PRKD1: variants seen among roughly 807,000 people sequenced by gnomAD.
The protein encoded by PRKD1 is protein kinase D1.
A neutral mutation model predicts 95.9 loss-of-function variants in PRKD1; 63 were observed. The ratio of observed to expected loss-of-function variants is 0.66; its 90% CI spans 0.54 to 0.81. PRKD1 has a LOEUF of 0.81. Ranked by LOEUF, PRKD1 falls within the 30% of genes least tolerant of loss-of-function variation. PRKD1 has a pLI of 0.00. For synonymous variants in PRKD1, 425 were observed against 423.1 expected (o/e 1.00, Z -0.05); for missense variants, 1,048 against 1,165.3 (o/e 0.90, Z 1.47).
chr14:29,902,302 C>A (rs535052648), intron 1 of PRKD1, among the ~76,000 whole-genome samples: 17 of 151,526 alleles, frequency 1.1e-4, no homozygotes, highest in African/African-American at 4.1e-4. Flanking sequence ...TTTTCATGGT[C>A]AAAATCTCTG....
intron 1 of PRKD1, among the ~76,000 whole-genome samples, chr14:29,880,970 T>C (rs1392975536): frequency 1.3e-5 from 2 of 152,206 alleles, no homozygotes; most frequent in Admixed American, 1.3e-4. Context: ...TACAGGCTCA[T>C]AGGTGAAAGG....
chr14:29,778,063 G>A (rs1888856092), intron 1 of PRKD1, among the ~76,000 whole-genome samples: 1 of 152,168 alleles, frequency 6.6e-6, no homozygotes, highest in African/African-American at 2.4e-5. Context: ...ATAACTAAAT[G>A]AAAGCAGAAA....
At chr14:29,712,273 T>C (rs143449137) in intron 2 of PRKD1, among the ~76,000 whole-genome samples, 17 of 152,166 alleles carry the variant, frequency 1.1e-4, no homozygotes, top group African/African-American at 3.6e-4. Context: ...TTCCCCTAAA[T>C]AGGGGACTAA....
chr14:29,683,246 A>G (rs577642565), intron 2 of PRKD1, among the ~76,000 whole-genome samples: 7 of 152,214 alleles, frequency 4.6e-5, no homozygotes, highest in Non-Finnish European at 5.9e-5. Flanking sequence ...TGCAAGCTAT[A>G]GACTTGACGA....
At chr14:29,794,612 A>G (rs1309357914) in intron 1 of PRKD1, among the ~76,000 whole-genome samples, 3 of 151,936 alleles carry the variant, frequency 2.0e-5, no homozygotes, top group Non-Finnish European at 2.9e-5. Flanking sequence ...ACATATTTGA[A>G]AGGCAAAGAG....
intron 1 of PRKD1, among the ~76,000 whole-genome samples, chr14:29,788,579 A>G (rs1594519970): frequency 6.6e-6 from 1 of 152,282 alleles, no homozygotes; most frequent in African/African-American, 2.4e-5. Context: ...GGTGCCCAAT[A>G]TATTATGTAG....
chr14:29,598,971 TGG>T, intron 15 of PRKD1, 54 bp downstream of exon 15: 1 of 1,394,462 alleles, frequency 7.2e-7, no homozygotes, highest in Non-Finnish European at 1.0e-6. Context: ...AGATGCTACA[TGG>T]AAGCTAGCAA....
chr14:29,910,030 C>T (rs1894648364), intron 1 of PRKD1, among the ~76,000 whole-genome samples: 1 of 152,164 alleles, frequency 6.6e-6, no homozygotes, highest in African/African-American at 2.4e-5. Context: ...GCAGGCTGCC[C>T]TAGCCAGCAG....
intron 4 of PRKD1, among the ~76,000 whole-genome samples, chr14:29,648,757 C>T (rs1169082338): frequency 6.6e-6 from 1 of 152,116 alleles, no homozygotes; most frequent in Admixed American, 6.5e-5. Flanking sequence ...TGGGTTCATG[C>T]CATTCTCCTA....
chr14:29,676,961 G>A (rs181184831), intron 2 of PRKD1, among the ~76,000 whole-genome samples: 104 of 152,118 alleles, frequency 6.8e-4, no homozygotes, highest in South Asian at 4.0e-3. Context: ...CAGTCACACC[G>A]GCTACATTCA....
At chr14:29,718,415 G>A (rs1291176595) in intron 2 of PRKD1, among the ~76,000 whole-genome samples, 1 of 151,936 alleles carries the variant, frequency 6.6e-6, no homozygotes, top group Non-Finnish European at 1.5e-5. Context: ...CCAACCATGT[G>A]GAACTGTGAG....
At chr14:29,635,716 T>C (rs1234767171) in intron 7 of PRKD1, among the ~76,000 whole-genome samples, 2 of 152,302 alleles carry the variant, frequency 1.3e-5, no homozygotes, top group South Asian at 2.1e-4. Flanking sequence ...ACAGGCTATG[T>C]TCCAATAAAA....
chr14:29,666,235 A>C (rs1402617005), intron 2 of PRKD1, 27 bp from the exon 3 acceptor site: 5 of 1,572,086 alleles, frequency 3.2e-6, no homozygotes, highest in Non-Finnish European at 4.3e-6. Flanking sequence ...GTTGAAAAGT[A>C]AGTTGAATAG....
chr14:29,836,090 G>C (rs894312897), intron 1 of PRKD1, among the ~76,000 whole-genome samples: 4 of 152,184 alleles, frequency 2.6e-5, no homozygotes, highest in African/African-American at 7.2e-5. Flanking sequence ...TCACAGAGGA[G>C]GTGACATGAG....
chr14:29,845,356 CAT>C (rs1892039640), intron 1 of PRKD1, among the ~76,000 whole-genome samples: 1 of 152,144 alleles, frequency 6.6e-6, no homozygotes, highest in South Asian at 2.1e-4. Flanking sequence ...AAAATCTGTA[CAT>C]GTTTAAAGTA....
At chr14:29,753,293 T>G (rs1205148138) in intron 1 of PRKD1, among the ~76,000 whole-genome samples, 5 of 152,154 alleles carry the variant, frequency 3.3e-5, no homozygotes, top group African/African-American at 1.2e-4. Flanking sequence ...ATCCACTATC[T>G]GCAATGCTTG....
At chr14:29,675,992 G>T (rs187704007) in intron 2 of PRKD1, among the ~76,000 whole-genome samples, 3,701 of 116,360 alleles carry the variant, frequency 0.032, 60 homozygotes, top group African/African-American at 0.054. Flanking sequence ...GGTGGGGGGT[G>T]GGGGGAGGGA....
intron 1 of PRKD1, among the ~76,000 whole-genome samples, chr14:29,829,313 A>C (rs1891314511): frequency 6.6e-6 from 1 of 152,194 alleles, no homozygotes; most frequent in Non-Finnish European, 1.5e-5. Flanking sequence ...TTTTAGGGTG[A>C]TTTGTTACAT....
intron 2 of PRKD1, among the ~76,000 whole-genome samples, chr14:29,723,311 C>T (rs111254999): frequency 5.3e-5 from 8 of 152,182 alleles, no homozygotes; most frequent in African/African-American, 1.9e-4. Context: ...GGCCATATCA[C>T]TCAACTCCTC....
Sources: gnomAD v4.1 joint callset for allele counts (sites outside exome capture counted in the v4.1 genomes callset) on GRCh38, gnomAD v4.1.1 for gene constraint, MANE v1.5 for transcripts, NCBI Gene and HGNC (gene_info 2026-07-23, HGNC 2026-07-21) for gene names.